Variants in AFF3 observed in about 807,000 individuals in gnomAD.
The protein encoded by AFF3 is AF4/FMR2 family member 3.
A neutral mutation model predicts 129.7 loss-of-function variants in AFF3; 32 were observed. The ratio of observed to expected loss-of-function variants is 0.25; its 90% CI spans 0.19 to 0.33. The LOEUF is 0.33. Ranked by LOEUF, AFF3 falls within the 10% of genes least tolerant of loss-of-function variation. The pLI is 1.00. For missense variants in AFF3, 1,373 were observed against 1,592.0 expected (o/e 0.86, Z 2.34); for synonymous variants, 644 against 635.4 (o/e 1.01, Z -0.20).
intron 2 of AFF3, among the ~76,000 whole-genome samples, chr2:100,118,161 A>G (rs80032985): frequency 0.013 from 2,042 of 152,304 alleles, 50 homozygotes; most frequent in African/African-American, 0.046. Flanking sequence ...TAATGCCCTT[A>G]TATCCTAATT....
intron 2 of AFF3, among the ~76,000 whole-genome samples, chr2:100,122,808 G>A (rs1331815595): frequency 1.3e-5 from 2 of 152,212 alleles, no homozygotes; most frequent in Non-Finnish European, 2.9e-5. Context: ...CTGGCAATGA[G>A]AGACTCTGAG....
At chr2:100,104,373 C>T (rs1484146583) in intron 4 of AFF3, 29 bp downstream of exon 4, 4 of 1,065,866 alleles carry the variant, frequency 3.8e-6, no homozygotes, top group Admixed American at 9.3e-5. Flanking sequence ...CGCTCCCGCC[C>T]GCCCGAAGCG....
intron 13 of AFF3, chr2:99,630,976 A>G: frequency 2.2e-6 from 1 of 459,360 alleles, no homozygotes; most frequent in Non-Finnish European, 4.5e-6. Flanking sequence ...GAGCTGAGAC[A>G]GAGGAGGGCA....
At chr2:100,107,411 T>A in intron 2 of AFF3, 2 of 985,194 alleles carry the variant, frequency 2.0e-6, no homozygotes, top group South Asian at 9.4e-5. Context: ...AAAAAAAGGG[T>A]TTGGACTTTT....
At chr2:99,765,983 T>C (rs1161278371) in intron 8 of AFF3, among the ~76,000 whole-genome samples, 1 of 152,156 alleles carries the variant, frequency 6.6e-6, no homozygotes, top group Non-Finnish European at 1.5e-5. Context: ...TCTTTCTAGT[T>C]TGGGGCTCTA....
intron 7 of AFF3, among the ~76,000 whole-genome samples, chr2:99,997,973 T>C (rs909146599): frequency 2.7e-5 from 4 of 150,502 alleles, no homozygotes; most frequent in Admixed American, 6.6e-5. Context: ...CCCAGCCCTC[T>C]TTCCCCTGCT....
chr2:99,758,297 T>A (rs1390172160), intron 8 of AFF3, among the ~76,000 whole-genome samples: 1 of 152,102 alleles, frequency 6.6e-6, no homozygotes, highest in East Asian at 1.9e-4. Context: ...AATCTTCACA[T>A]GCGGTCGGGC....
At chr2:99,565,199 A>C (rs974145280) in intron 20 of AFF3, among the ~76,000 whole-genome samples, 1 of 152,114 alleles carries the variant, frequency 6.6e-6, no homozygotes, top group Non-Finnish European at 1.5e-5. Flanking sequence ...AATAGGCTCA[A>C]AATCTGCCAC....
At chr2:99,905,515 T>C (rs1431894720) in intron 7 of AFF3, among the ~76,000 whole-genome samples, 1 of 152,218 alleles carries the variant, frequency 6.6e-6, no homozygotes. Context: ...ATGCTGGTTA[T>C]TGTAAAATGC....
chr2:100,091,934 T>G (rs1689892608), intron 4 of AFF3, among the ~76,000 whole-genome samples: 2 of 145,406 alleles, frequency 1.4e-5, no homozygotes, highest in East Asian at 4.0e-4. Flanking sequence ...TGATCTTTCC[T>G]TTTCAACCCT....
At chr2:99,602,817 G>A (rs367698886) in intron 13 of AFF3, among the ~76,000 whole-genome samples, 2 of 152,290 alleles carry the variant, frequency 1.3e-5, no homozygotes, top group East Asian at 1.9e-4. Context: ...TCTTTGATAC[G>A]TGCTTTGCCC....
intron 7 of AFF3, among the ~76,000 whole-genome samples, chr2:99,901,527 C>T (rs1694342342): frequency 6.6e-6 from 1 of 152,178 alleles, no homozygotes; most frequent in South Asian, 2.1e-4. Flanking sequence ...CAGGTGTTCA[C>T]TATTTCAGAG....
chr2:100,024,429 C>T (rs1360364350), intron 4 of AFF3, among the ~76,000 whole-genome samples: 2 of 148,528 alleles, frequency 1.3e-5, no homozygotes, highest in Non-Finnish European at 3.0e-5. Context: ...ATGGAGAAAC[C>T]CCGTCTCTAC....
In AFF3 at chr2:99,548,970, CA is replaced by C. The variant is rs1479277832; in HGVS notation, c.*2503del. 3.5e-5 allele frequency: 8 copies of C among 231,070 alleles called. No homozygotes were observed. The highest frequency in any genetic ancestry group is 3.4e-5 in the Non-Finnish European group (4 of 116,744). 14.3% of individuals were successfully genotyped at this position (231,070 alleles called of 1,614,324 possible). A position where few individuals can be genotyped will look rare whatever the true frequency, so the allele number is the denominator to read the frequency against. On this transcript the variant is annotated 3_prime_UTR_variant, in exon 25 of 25. Transcript: ENST00000672756. ...GACCACTGCCCACAACGGTAAGTTT[CA>C]AGAAGTTTTCCTGGGAAATGTGGGC...
intron 13 of AFF3, among the ~76,000 whole-genome samples, chr2:99,623,659 G>A (rs1402693541): frequency 6.6e-6 from 1 of 152,218 alleles, no homozygotes; most frequent in African/African-American, 2.4e-5. Flanking sequence ...GTTAGGGTCG[G>A]GGAGAGGCTC....
chr2:99,555,605 T>C (rs946799547), intron 22 of AFF3, among the ~76,000 whole-genome samples: 7 of 152,224 alleles, frequency 4.6e-5, no homozygotes, highest in African/African-American at 1.7e-4. Context: ...ACAGTTAGAT[T>C]TCCCCTCTGA....
chr2:99,723,165 C>G (rs564550231), intron 11 of AFF3, among the ~76,000 whole-genome samples: 2 of 152,102 alleles, frequency 1.3e-5, no homozygotes, highest in African/African-American at 4.8e-5. Flanking sequence ...TGTGTGTGCA[C>G]GCATGTTAAG....
chr2:99,680,586 C>G (rs1349499030), intron 11 of AFF3, among the ~76,000 whole-genome samples: 1 of 152,122 alleles, frequency 6.6e-6, no homozygotes, highest in Non-Finnish European at 1.5e-5. Context: ...TGGCTCAAAT[C>G]TGATGTTGAA....
At chr2:99,842,612 C>A (rs141182568) in intron 7 of AFF3, among the ~76,000 whole-genome samples, 23 of 152,316 alleles carry the variant, frequency 1.5e-4, no homozygotes, top group African/African-American at 5.5e-4. Context: ...TAAGAGCTAG[C>A]AACCCCAGCT....
Sources: gnomAD v4.1 joint callset for allele counts (sites outside exome capture counted in the v4.1 genomes callset) on GRCh38, gnomAD v4.1.1 for gene constraint, MANE v1.5 for transcripts, NCBI Gene and HGNC (gene_info 2026-07-23, HGNC 2026-07-21) for gene names.